MN1: variants seen among roughly 807,000 people sequenced by gnomAD.
MN1 encodes MN1 proto-oncogene, transcriptional regulator, also known as transcriptional activator MN1.
Under a neutral mutation model 86.9 loss-of-function variants are expected in MN1, and 19 were observed. The observed-to-expected ratio is 0.22, with a 90% CI of 0.15 to 0.32. The LOEUF (loss-of-function observed/expected upper bound fraction) is 0.32. MN1 is among the 10% of genes least tolerant of loss of function. MN1 has a pLI of 1.00. For synonymous variants in MN1, 928 were observed against 849.6 expected, an observed-to-expected ratio of 1.09 and a Z score of -1.60; for missense variants, 1,841 against 1,862.0, an observed-to-expected ratio of 0.99 and a Z score of 0.21.
chr22:27,784,414 C>T (rs554263843), intron 1 of MN1, among the ~76,000 whole-genome samples: 11 of 152,320 alleles, frequency 7.2e-5, no homozygotes, highest in African/African-American at 2.6e-4. Context: ...CCGCCATTAC[C>T]ATCCGCTACA....
At chr22:27,776,755 G>A (rs560707101) in intron 1 of MN1, among the ~76,000 whole-genome samples, 8 of 152,196 alleles carry the variant, frequency 5.3e-5, no homozygotes, top group South Asian at 2.1e-4. Context: ...GCCCCAACTC[G>A]GGCGGACGCC....
At chr22:27,753,134 A>G (rs1932780135) in intron 1 of MN1, among the ~76,000 whole-genome samples, 1 of 152,158 alleles carries the variant, frequency 6.6e-6, no homozygotes, top group South Asian at 2.1e-4. Flanking sequence ...GGCAGAAAGG[A>G]GACTTCCTTG....
chr22:27,786,626 C>G (rs1319088386), intron 1 of MN1, among the ~76,000 whole-genome samples: 1 of 152,236 alleles, frequency 6.6e-6, no homozygotes, highest in East Asian at 1.9e-4. Context: ...GTCGGAGAAC[C>G]AAGGCACCAG....
chr22:27,761,294 C>T (rs554211337), intron 1 of MN1, among the ~76,000 whole-genome samples: 3 of 151,886 alleles, frequency 2.0e-5, no homozygotes, highest in Admixed American at 1.3e-4. Flanking sequence ...CTCTCTCTCC[C>T]TCTCTCTTAT....
rs892850737 is a variant in MN1, at chr22:27,801,273, C to A, written c.-730G>T. 5 of 221,074 alleles carry A rather than the reference C, an allele frequency of 2.3e-5. No homozygotes were observed. The East Asian group carries it at 3.2e-4, about 14-fold the overall frequency. 13.7% of individuals were successfully genotyped at this position (221,074 alleles called of 1,614,324 possible). The stretch of plus-strand genomic sequence containing the variant: ...CAGAGGGGCTGCGAGGCGGCAGGCG[C>A]CGGGGGCTGGAGCCGAGGGTCGGGG... On this transcript the variant is annotated 5_prime_UTR_variant, in exon 1 of 2. Transcript: ENST00000302326.
Position 27,798,114 on chromosome 22 carries a change from G to T in MN1, c.2430C>A (p.Phe810Leu). Reference sequence around the variant, plus strand: ...GGTTGTCCTTGGAGCTGGGCTTGTTGAAGGAGCCCAGCGAGAGCGCGCCCA... The same window carrying T: ...GGTTGTCCTTGGAGCTGGGCTTGTTTAAGGAGCCCAGCGAGAGCGCGCCCA... ...SKLGALSLGS[F>L]NKPSSKDNLF... is the part of the protein sequence containing the mutation. Residue 810 changes from phenylalanine (F) to leucine (L), a missense_variant, in exon 1 of 2, where the codon TTC becomes TTA. Phe to Leu is a conservative substitution (Grantham distance 22, BLOSUM62 0). Transcript: ENST00000302326. 6.2e-7 allele frequency: 1 copy of T among 1,610,140 alleles called. No homozygotes were observed. Among genetic ancestry groups the T allele is most frequent in the Non-Finnish European group, 8.5e-7 (1 of 1,179,498 alleles).
chr22:27,800,034 C>T lies in MN1; in HGVS notation c.510G>A (p.Pro170=), dbSNP rs369691366. Residue 170 remains proline, a synonymous_variant, in exon 1 of 2, where the codon CCG becomes CCA. Transcript: ENST00000302326. ...AACTGTGGAAGTCCGGGAGGTTCCC[C>T]GGTCGCTGCGGGCCGAAGCTCTCAG... is the stretch of plus-strand genomic sequence containing the variant. ...QGPESFGPQR[P]GNLPDFHSSG... is the part of the protein sequence containing the mutation. 14 of 1,602,898 alleles carry T rather than the reference C, an allele frequency of 8.7e-6. No homozygotes were observed. Among genetic ancestry groups the T allele is most frequent in the Middle Eastern group, 1.6e-4 (1 of 6,080 alleles).
intron 1 of MN1, among the ~76,000 whole-genome samples, chr22:27,776,256 T>G (rs901105931): frequency 1.3e-4 from 20 of 152,080 alleles, no homozygotes; most frequent in African/African-American, 4.8e-4. Flanking sequence ...TCTTGGGGGA[T>G]TCACTTAGAG....
At chr22:27,777,440 G>A (rs191623040) in intron 1 of MN1, among the ~76,000 whole-genome samples, 223 of 152,000 alleles carry the variant, frequency 1.5e-3, no homozygotes, top group African/African-American at 5.2e-3. Context: ...GGCTGAGGTG[G>A]GAGGATCGCG....
intron 1 of MN1, among the ~76,000 whole-genome samples, chr22:27,758,293 T>A (rs2146295011): frequency 6.6e-6 from 1 of 152,222 alleles, no homozygotes; most frequent in South Asian, 2.1e-4. Context: ...TGCTGCGGTT[T>A]TTTCTGCCTA....
intron 1 of MN1, among the ~76,000 whole-genome samples, chr22:27,793,317 G>A (rs895455019): frequency 1.3e-5 from 2 of 149,112 alleles, no homozygotes; most frequent in African/African-American, 5.2e-5. Flanking sequence ...AAATTCTTCC[G>A]TAGCCACACA....
At chr22:27,786,485 A>C (rs1393171684) in intron 1 of MN1, among the ~76,000 whole-genome samples, 1 of 150,588 alleles carries the variant, frequency 6.6e-6, no homozygotes, top group Non-Finnish European at 1.5e-5. Flanking sequence ...ACCATGTGTC[A>C]AGGAAGCAGC....
Position 27,800,648 on chromosome 22 carries a change from C to G in MN1, c.-105G>C, listed in dbSNP as rs898536454. ...CAGCCCAGGATTGGGCGCTCCGGGACGCTCAGCACCGCGGGGGCTCAGCGC... is the reference window on the plus strand; with the variant it reads ...CAGCCCAGGATTGGGCGCTCCGGGAGGCTCAGCACCGCGGGGGCTCAGCGC... On this transcript the variant is annotated 5_prime_UTR_variant, in exon 1 of 2. Transcript: ENST00000302326. 6 of 1,534,942 alleles carry G rather than the reference C, an allele frequency of 3.9e-6. No individual in the cohort carries two copies. The highest frequency in any genetic ancestry group is 1.4e-5 in the African/African-American group (1 of 73,464).
intron 1 of MN1, among the ~76,000 whole-genome samples, chr22:27,774,835 A>G (rs976584600): frequency 6.6e-6 from 1 of 152,100 alleles, no homozygotes. Context: ...TCTGCCAGGT[A>G]CCAACCTAAG....
Position 27,800,181 on chromosome 22 carries a change from C to A in MN1, c.363G>T (p.Pro121=). Reference sequence around the variant, plus strand: ...CGTGCAGGCACGAGGCCCCGGGGTCCGGGCCACCGAAGTTGCCCCCAAAGT... The same window carrying A: ...CGTGCAGGCACGAGGCCCCGGGGTCAGGGCCACCGAAGTTGCCCCCAAAGT... ...HPHFGGNFGG[P]DPGASCLHGG... Residue 121 remains proline, a synonymous_variant, in exon 1 of 2, where the codon CCG becomes CCT. Transcript: ENST00000302326. 1 of 1,547,496 alleles carries A rather than the reference C, an allele frequency of 6.5e-7. No homozygotes were observed. The highest frequency in any genetic ancestry group is 8.7e-7 in the Non-Finnish European group (1 of 1,150,176).
At position 27,799,915 on chromosome 22, in the gene MN1, C is replaced by G. The variant is rs769924728; in HGVS notation, c.629G>C (p.Ser210Thr). 4.4e-6 allele frequency: 7 copies of G among 1,602,924 alleles called. No homozygotes were observed. Among genetic ancestry groups the G allele is most frequent in the Non-Finnish European group, 6.0e-6 (7 of 1,175,838 alleles). The change falls in exon 1 of 2, where the codon AGC becomes ACC. Residue 210 changes from serine (S) to threonine (T), a missense_variant. Physicochemically the swap from Ser to Thr is moderately conservative, Grantham distance 58 (BLOSUM62 1). Coordinates refer to ENST00000302326, the MANE Select transcript of MN1 (RefSeq NM_002430.3). ...AASFHGLPSS[S>T]GSDSHSLEPR... is the part of the protein sequence containing the mutation. ...CTCCAGACTGTGGGAATCGGAGCCG[C>G]TGGAGGACGGCAGGCCGTGGAAGGA...
intron 1 of MN1, among the ~76,000 whole-genome samples, chr22:27,767,086 G>T (rs1355922670): frequency 6.6e-6 from 1 of 152,100 alleles, no homozygotes; most frequent in African/African-American, 2.4e-5. Context: ...ATGGCCCCAA[G>T]AGTATGAGTT....
Position 27,797,366 on chromosome 22 carries a change from A to C in MN1, c.3178T>G (p.Ser1060Ala). Residue 1060 changes from serine (S) to alanine (A), a missense_variant, in exon 1 of 2, where the codon TCG (serine) becomes GCG (alanine). By Grantham distance (99) the Ser-to-Ala change is moderately conservative. Coordinates refer to ENST00000302326, the MANE Select transcript of MN1 (RefSeq NM_002430.3). ...GCCTGGGGGTTGTCAGAGCTGGACGACACCTCGTCCTCATTGGCGTAGCTC... is the reference window on the plus strand; with the variant it reads ...GCCTGGGGGTTGTCAGAGCTGGACGCCACCTCGTCCTCATTGGCGTAGCTC... The part of the protein sequence containing the change: ...STSYANEDEV[S>A]SSSDNPQALV... The C allele has an allele frequency of 6.2e-7, 1 of 1,610,234 alleles. No homozygotes were observed. The highest frequency in any genetic ancestry group is 8.5e-7 in the Non-Finnish European group (1 of 1,179,892).
At chr22:27,759,553 C>T (rs1932821366) in intron 1 of MN1, among the ~76,000 whole-genome samples, 1 of 151,024 alleles carries the variant, frequency 6.6e-6, no homozygotes, top group Admixed American at 6.6e-5. Flanking sequence ...CCACCATGGT[C>T]TGAATCTCAA....
Sources: allele counts gnomAD v4.1 joint callset (sites outside exome capture counted in the v4.1 genomes callset), GRCh38; gene constraint gnomAD v4.1.1; transcripts MANE v1.5; gene names NCBI Gene and HGNC (gene_info 2026-07-23, HGNC 2026-07-21).